The following ZNF841 variants were observed in gnomAD, a reference collection of about 807,000 sequenced individuals.
ZNF841 encodes zinc finger protein 841, also known as TCONS_00006091.
ZNF841 carries 11 observed loss-of-function variants against 13.0 expected under a neutral mutation model. The observed-to-expected ratio is 0.85, with a 90% CI of 0.53 to 1.40. ZNF841 has a LOEUF of 1.40. ZNF841 is among the 40% of genes most tolerant of loss of function. ZNF841 has a pLI of 0.00. For missense variants in ZNF841, 1,068 were observed against 1,139.5 expected, an observed-to-expected ratio of 0.94 and a Z score of 0.90; for synonymous variants, 369 against 381.6, an observed-to-expected ratio of 0.97 and a Z score of 0.38.
chr19:52,064,353 CAAAAAAAAAAAAAAAAAAAAAAAA>C (rs56135758), downstream of ZNF841: 50 of 35,458 alleles, frequency 1.4e-3, no homozygotes, highest in Non-Finnish European at 2.4e-3. Flanking sequence ...ACTCCGTCTC[CAAAAAAAAAAAAAAAAAAAAAAAA>C]AAAAAAAAAA....
At position 52,067,479 on chromosome 19, in the gene ZNF841, G is replaced by C. The variant is rs369122307; in HGVS notation, c.403C>G (p.Arg135Gly). 6.4e-7 allele frequency: 1 copy of C among 1,562,718 alleles called. No homozygotes were observed. Residue 135 changes from arginine (R) to glycine (G), a missense_variant, in exon 7 of 7, where the codon CGG becomes GGG. Physicochemically the swap from Arg to Gly is moderately radical, Grantham distance 125. Coordinates refer to ENST00000594440, the MANE Select transcript of ZNF841 (RefSeq NM_001136499.2). ...AAGTCAACTTCCTGTAGATTTTTCC[G>C]GATTTCCCTGAAGTAAAAATTTTCA... is the stretch of plus-strand genomic sequence containing the variant. The part of the protein sequence containing the change: ...DTENFYFREI[R>G]KNLQEVDFQW...
chr19:52,069,290 G>T (rs1021394037), intron 6 of ZNF841, among the ~76,000 whole-genome samples: 1 of 152,074 alleles, frequency 6.6e-6, no homozygotes, highest in Non-Finnish European at 1.5e-5. Context: ...GCCCAGGCTG[G>T]TCTGGAACTC....
chr19:52,058,700 T>A, the ZNF841 span: 1 of 153,036 alleles, frequency 6.5e-6, no homozygotes, highest in African/African-American at 2.4e-5. Context: ...CTTGTGAAAA[T>A]TAATGTTTAT....
intron 6 of ZNF841, among the ~76,000 whole-genome samples, chr19:52,069,163 T>A (rs1307729937): frequency 6.6e-6 from 1 of 152,126 alleles, no homozygotes; most frequent in African/African-American, 2.4e-5. Context: ...AACCTCCAAC[T>A]CACAGGCTCA....
rs962765581 is a variant in ZNF841 at position 52,065,958 on chromosome 19, G to A, written c.1924C>T (p.Arg642Cys). The change falls in exon 7 of 7, where the codon CGT (arginine) becomes TGT (cysteine). Residue 642 changes from arginine to cysteine, a missense_variant. Transcript: ENST00000594440. Reference sequence around the variant, plus strand: ...TCTCCGGTATGAATTTTCCGATGACGTGCTAGGCATGAGTAGTAACTGAAG... The same window carrying A: ...TCTCCGGTATGAATTTTCCGATGACATGCTAGGCATGAGTAGTAACTGAAG... ...KVFSYYSCLA[R>C]HRKIHTGEKP... 14 of 1,613,684 alleles carry A rather than the reference G, an allele frequency of 8.7e-6. No homozygotes were observed. Among genetic ancestry groups the A allele is most frequent in the East Asian group, 2.2e-5 (1 of 44,822 alleles).
At position 52,066,917 on chromosome 19, in the gene ZNF841, C is replaced by G; in HGVS notation, c.965G>C (p.Cys322Ser). The G allele has an allele frequency of 6.2e-7, 1 of 1,614,190 alleles. No individual in the cohort carries two copies. The change falls in exon 7 of 7, where the codon TGT becomes TCT. Residue 322 changes from cysteine (C) to serine (S), a missense_variant. By Grantham distance (112) the Cys-to-Ser change is moderately radical. Coordinates refer to ENST00000594440, the MANE Select transcript of ZNF841 (RefSeq NM_001136499.2). ...TGAATTTTGTCTGAAGATCCTGCCA[C>G]ATACATCACATTGGTATGGTTTCCC... ...TRGKPYQCDV[C>S]GRIFRQNSDL... is the part of the protein sequence containing the mutation.
chr19:52,068,895 C>T (rs1307594136), intron 6 of ZNF841, among the ~76,000 whole-genome samples: 1 of 152,012 alleles, frequency 6.6e-6, no homozygotes, highest in African/African-American at 2.4e-5. Flanking sequence ...TCACATAAAC[C>T]TGTAAGGGGG....
chr19:52,095,731 G>C lies in ZNF841; in HGVS notation c.-426C>G, dbSNP rs964201343. The C allele has an allele frequency of 6.6e-6, 1 of 152,274 alleles. No individual in the cohort carries two copies. Among genetic ancestry groups the C allele is most frequent in the African/African-American group, 2.4e-5 (1 of 41,430 alleles). 9.4% of individuals were successfully genotyped at this position (152,274 alleles called of 1,614,324 possible). The stretch of plus-strand genomic sequence containing the variant: ...TAGACTGAAACACACTCATAGCGAC[G>C]TGGCCTTTCCCCAGCGCGATCTGCT... On this transcript the variant is annotated 5_prime_UTR_variant, in exon 1 of 7. Coordinates refer to ENST00000594440, the MANE Select transcript of ZNF841 (RefSeq NM_001136499.2).
chr19:52,076,904 A>C, intron 5 of ZNF841, 54 bp downstream of exon 5: 2 of 1,597,812 alleles, frequency 1.3e-6, no homozygotes, highest in South Asian at 2.2e-5. Flanking sequence ...CAATAAGGAA[A>C]GTACAAAAAT....
chr19:52,078,469 G>A (rs1449040654), intron 4 of ZNF841, among the ~76,000 whole-genome samples: 1 of 152,046 alleles, frequency 6.6e-6, no homozygotes, highest in Non-Finnish European at 1.5e-5. Flanking sequence ...GGAGGCCGAG[G>A]TGGGCGGATC....
rs1002537499 is a variant in ZNF841 at position 52,067,071 on chromosome 19, T to C, written c.811A>G (p.Arg271Gly). The part of the protein sequence containing the change: ...YIGNECGKAF[R>G]VSSSLINHQM... The stretch of plus-strand genomic sequence containing the variant: ...TGATTAATAAGACTTGAAGACACTC[T>C]GAAGGCTTTGCCACACTCATTACCT... The change falls in exon 7 of 7, where the codon AGA (arginine) becomes GGA (glycine). Residue 271 changes from arginine (R) to glycine (G), a missense_variant. Physicochemically the swap from Arg to Gly is moderately radical, Grantham distance 125. Transcript: ENST00000594440. 1 of 1,608,130 alleles carries C rather than the reference T, an allele frequency of 6.2e-7. No homozygotes were observed.
In ZNF841 at chr19:52,084,788, T is replaced by G; in HGVS notation, c.14A>C (p.Gln5Pro). 6.2e-7 allele frequency: 1 copy of G among 1,613,794 alleles called. No individual in the cohort carries two copies. The highest frequency in any genetic ancestry group is 8.5e-7 in the Non-Finnish European group (1 of 1,179,822). Residue 5 changes from glutamine (Q) to proline (P), a missense_variant and splice_region_variant, in exon 4 of 7, where the codon CAG becomes CCG. Physicochemically the swap from Gln to Pro is moderately conservative, Grantham distance 76 (BLOSUM62 -1). Transcript: ENST00000594440. MALP[Q>P]GSLTFRDVAV... ...AATCCACCAAGATTATCACTTTACC[T>G]GAGGAAGAGCCATCCCTGGCTCCTT...
chr19:52,065,137 A>G lies in ZNF841; in HGVS notation c.2745T>C (p.Asp915=). 4 of 1,552,940 alleles carry G rather than the reference A, an allele frequency of 2.6e-6. No individual in the cohort carries two copies. The highest frequency in any genetic ancestry group is 3.5e-6 in the Non-Finnish European group (4 of 1,151,752). The change falls in exon 7 of 7, where the codon GAT becomes GAC. Residue 915 remains aspartate (D), a synonymous_variant. Transcript: ENST00000594440. The part of the protein sequence containing the change: ...TTKLNVERPL[D]VVLTSGIPK Reference sequence around the variant, plus strand: ...TGGGGATCCCAGAGGTTAGGACAACATCTAACGGCCTTTCCACATTGAGTT... The same window carrying G: ...TGGGGATCCCAGAGGTTAGGACAACGTCTAACGGCCTTTCCACATTGAGTT...
At chr19:52,067,654 G>A in intron 6 of ZNF841, 44 bp from the exon 7 acceptor site, 1 of 1,305,480 alleles carries the variant, frequency 7.7e-7, no homozygotes, top group Non-Finnish European at 1.0e-6. Flanking sequence ...AACTATTATT[G>A]GTAAATATTA....
chr19:52,073,057 A>G (rs2087785998), intron 6 of ZNF841, among the ~76,000 whole-genome samples: 2 of 152,154 alleles, frequency 1.3e-5, no homozygotes, highest in Admixed American at 1.3e-4. Flanking sequence ...ACAGCCACAC[A>G]CCTACAACCA....
intron 2 of ZNF841, among the ~76,000 whole-genome samples, chr19:52,091,231 T>G (rs1009180946): frequency 6.6e-6 from 1 of 152,204 alleles, no homozygotes; most frequent in Non-Finnish European, 1.5e-5. Flanking sequence ...TGTTCATAGA[T>G]TGTAAGAATA....
chr19:52,088,279 T>C (rs2088356386), intron 3 of ZNF841, among the ~76,000 whole-genome samples: 1 of 152,162 alleles, frequency 6.6e-6, no homozygotes, highest in Non-Finnish European at 1.5e-5. Context: ...CAGTTGACGA[T>C]AGAACAATAT....
intron 6 of ZNF841, 96 bp downstream of exon 6, chr19:52,075,948 A>G: frequency 6.9e-7 from 1 of 1,456,874 alleles, no homozygotes; most frequent in African/African-American, 1.4e-5. Flanking sequence ...GCTCACAGAA[A>G]ATCAAATTTG....
downstream of ZNF841, among the ~76,000 whole-genome samples, chr19:52,062,145 G>C (rs1299947475): frequency 6.6e-6 from 1 of 152,168 alleles, no homozygotes; most frequent in African/African-American, 2.4e-5. Flanking sequence ...GAAATTTGCA[G>C]AAGGGTTCCA....
Sources: gnomAD v4.1 joint callset for allele counts (sites outside exome capture counted in the v4.1 genomes callset) on GRCh38, gnomAD v4.1.1 for gene constraint, MANE v1.5 for transcripts, NCBI Gene and HGNC (gene_info 2026-07-23, HGNC 2026-07-21) for gene names.